The following PDE1C variants were observed in gnomAD, a reference collection of about 807,000 sequenced individuals.
The protein encoded by PDE1C is phosphodiesterase 1C, also known as dual specificity calcium/calmodulin-dependent 3',5'-cyclic nucleotide phosphodiesterase 1C.
Under a neutral mutation model 93.1 loss-of-function variants are expected in PDE1C, and 62 were observed. The ratio of observed to expected loss-of-function variants is 0.67; its 90% CI spans 0.54 to 0.82. The LOEUF is 0.82. Among genes scored for constraint, PDE1C ranks in the 40% least tolerant of loss-of-function variants. The probability of loss-of-function intolerance (pLI) is 0.00; values close to 1 mark genes in which losing one functional copy is unlikely to be tolerated. For missense variants in PDE1C, 742 were observed against 884.6 expected (o/e 0.84, Z 2.04); for synonymous variants, 325 against 310.1 (o/e 1.05, Z -0.50).
intron 3 of PDE1C, among the ~76,000 whole-genome samples, chr7:32,098,637 T>C (rs933973933): frequency 3.9e-5 from 6 of 152,212 alleles, no homozygotes; most frequent in African/African-American, 1.4e-4. Context: ...TTTTACTTTA[T>C]TACGTTGGAG....
chr7:31,990,392 A>G (rs1784013657), intron 2 of PDE1C, among the ~76,000 whole-genome samples: 1 of 152,118 alleles, frequency 6.6e-6, no homozygotes, highest in Admixed American at 6.6e-5. Flanking sequence ...CATGATTGTT[A>G]GGCCTCCCCA....
intron 3 of PDE1C, among the ~76,000 whole-genome samples, chr7:32,081,896 T>C (rs542273499): frequency 8.5e-5 from 13 of 152,166 alleles, no homozygotes; most frequent in African/African-American, 1.2e-4. Flanking sequence ...GACAGCCAAA[T>C]AGGAACAGCT....
intron 3 of PDE1C, among the ~76,000 whole-genome samples, chr7:32,147,868 T>C (rs955130446): frequency 6.6e-6 from 1 of 151,614 alleles, no homozygotes; most frequent in Non-Finnish European, 1.5e-5. Flanking sequence ...CTGATGCCAT[T>C]GGGAGTTGGG....
chr7:31,635,691 A>C, the PDE1C span, among the ~76,000 whole-genome samples: 1 of 152,094 alleles, frequency 6.6e-6, no homozygotes, highest in Non-Finnish European at 1.5e-5. Flanking sequence ...GAAATACCCA[A>C]GACTGGGTAA....
intron 2 of PDE1C, among the ~76,000 whole-genome samples, chr7:32,198,387 A>G (rs902340185): frequency 1.3e-5 from 2 of 152,236 alleles, no homozygotes; most frequent in African/African-American, 4.8e-5. Context: ...TCTGAATAAC[A>G]GAAACTCAAA....
intron 16 of PDE1C, among the ~76,000 whole-genome samples, chr7:31,794,875 A>G (rs1013932323): frequency 5.9e-5 from 9 of 152,004 alleles, no homozygotes; most frequent in Non-Finnish European, 4.4e-5. Flanking sequence ...TAGACATGAA[A>G]CATTCTGACT....
intron 5 of PDE1C, among the ~76,000 whole-genome samples, chr7:31,875,479 A>G (rs189179943): frequency 2.0e-5 from 3 of 152,008 alleles, no homozygotes. Flanking sequence ...GACTCCAGAG[A>G]ATCCTGCTGT....
the PDE1C span, among the ~76,000 whole-genome samples, chr7:31,697,642 G>C: frequency 6.6e-6 from 1 of 152,200 alleles, no homozygotes; most frequent in African/African-American, 2.4e-5. Context: ...CCTTGTCTCT[G>C]AGAAGTACAA....
intron 1 of PDE1C, among the ~76,000 whole-genome samples, chr7:32,066,594 T>C (rs1286185441): frequency 1.3e-5 from 2 of 152,200 alleles, no homozygotes; most frequent in South Asian, 2.1e-4. Flanking sequence ...AGGCTGGCAA[T>C]AGAAAAACTT....
At chr7:32,074,295 G>A (rs1796231041), upstream of PDE1C, among the ~76,000 whole-genome samples, 1 of 152,154 alleles carries the variant, frequency 6.6e-6, no homozygotes, top group African/African-American at 2.4e-5. Flanking sequence ...AGATTTCATG[G>A]TTCATTTATA....
At chr7:32,071,257 T>C, upstream of PDE1C, 1 of 985,244 alleles carries the variant, frequency 1.0e-6, no homozygotes, top group Non-Finnish European at 1.2e-6. Flanking sequence ...GAAATCCTTA[T>C]CCTCCCGGGG....
chr7:31,725,074 G>A, the PDE1C span, among the ~76,000 whole-genome samples: 2 of 152,136 alleles, frequency 1.3e-5, no homozygotes, highest in East Asian at 3.9e-4. Context: ...GCACAGACTT[G>A]TCTGGGAAAA....
At chr7:32,311,125 C>A (rs986996388) in intron 1 of PDE1C, among the ~76,000 whole-genome samples, 3 of 152,160 alleles carry the variant, frequency 2.0e-5, no homozygotes, top group African/African-American at 7.2e-5. Flanking sequence ...CTACAAACAC[C>A]TCTATGCAAA....
Position 31,751,929 on chromosome 7 carries a change from T to G in PDE1C, c.*1455A>C, listed in dbSNP as rs1437563655. 6.6e-6 allele frequency: 1 copy of G among 152,182 alleles called. No individual in the cohort carries two copies. The highest frequency in any genetic ancestry group is 1.5e-5 in the Non-Finnish European group (1 of 68,048). The allele number at this position is 152,182 out of a possible 1,614,324, so 9.4% of individuals were successfully genotyped here. Reference sequence around the variant, plus strand: ...CCGGGAACAAACAGCTCCTTCTTTGTAGGGCTGTCCTGGAGAGTTCATCCT... The same window carrying G: ...CCGGGAACAAACAGCTCCTTCTTTGGAGGGCTGTCCTGGAGAGTTCATCCT... On this transcript the variant is annotated 3_prime_UTR_variant, in exon 18 of 18. Transcript: ENST00000396191.
intron 2 of PDE1C, among the ~76,000 whole-genome samples, chr7:31,981,475 C>T (rs1812368741): frequency 6.6e-6 from 1 of 152,168 alleles, no homozygotes; most frequent in South Asian, 2.1e-4. Flanking sequence ...TAATTAATCT[C>T]CTTTCTACTG....
At chr7:32,090,625 G>A (rs1247171270) in intron 3 of PDE1C, among the ~76,000 whole-genome samples, 1 of 152,156 alleles carries the variant, frequency 6.6e-6, no homozygotes, top group Admixed American at 6.5e-5. Flanking sequence ...AAACCCCACG[G>A]TTTGGATCAA....
intron 3 of PDE1C, among the ~76,000 whole-genome samples, chr7:32,119,719 G>A (rs76991298): frequency 0.025 from 3,855 of 152,228 alleles, 74 homozygotes; most frequent in East Asian, 0.071. Context: ...AGCCAAGGCC[G>A]GCGGTGAGTG....
intron 2 of PDE1C, among the ~76,000 whole-genome samples, chr7:32,197,638 CAT>C (rs1187862409): frequency 6.6e-6 from 1 of 152,194 alleles, no homozygotes; most frequent in African/African-American, 2.4e-5. Context: ...TTTGCTTACA[CAT>C]GTTACAACAT....
chr7:32,374,788 C>T (rs1276978614), intron 1 of PDE1C, among the ~76,000 whole-genome samples: 1 of 152,200 alleles, frequency 6.6e-6, no homozygotes, highest in Non-Finnish European at 1.5e-5. Flanking sequence ...TAAACTTTAT[C>T]TAAGGTTTTG....
Sources: gnomAD v4.1 joint callset for allele counts (sites outside exome capture counted in the v4.1 genomes callset) on GRCh38, gnomAD v4.1.1 for gene constraint, MANE v1.5 for transcripts, NCBI Gene and HGNC (gene_info 2026-07-23, HGNC 2026-07-21) for gene names.